AKNA: variants seen among roughly 807,000 people sequenced by gnomAD.
AKNA encodes the protein microtubule organization protein AKNA.
A neutral mutation model predicts 138.8 loss-of-function variants in AKNA; 67 were observed. The ratio of observed to expected loss-of-function variants is 0.48; its 90% confidence interval spans 0.40 to 0.59. The LOEUF is 0.59. Among genes scored for constraint, AKNA ranks in the 20% least tolerant of loss-of-function variants. AKNA has a pLI of 0.00. For missense variants in AKNA, 1,813 were observed against 1,880.4 expected (o/e 0.96, Z 0.66); for synonymous variants, 737 against 754.4 (o/e 0.98, Z 0.38).
intron 14 of AKNA, among the ~76,000 whole-genome samples, chr9:114,352,340 A>G (rs1011748366): frequency 1.3e-5 from 2 of 152,268 alleles, no homozygotes; most frequent in Non-Finnish European, 2.9e-5. Flanking sequence ...GCTCACACCT[A>G]TAATCCCAGC....
In AKNA at chr9:114,345,968, T is replaced by C; in HGVS notation, c.3556A>G (p.Lys1186Glu). Residue 1186 changes from lysine (K) to glutamate (E), a missense_variant, in exon 18 of 22, where the codon AAG becomes GAG. Coordinates refer to ENST00000374088, the MANE Select transcript of AKNA (RefSeq NM_001317950.2). ...GGACTGTCCTTGGTGGTCTTGCTCT[T>C]CTCAGAGAACAGTGGTAGGGAGGGC... Reference protein sequence around the residue: ...ELPSLPLFSEKSKTTKDSPQA... With the variant: ...ELPSLPLFSEESKTTKDSPQA... 2 of 1,614,010 alleles carry C rather than the reference T, an allele frequency of 1.2e-6. No individual in the cohort carries two copies. Among genetic ancestry groups the C allele is most frequent in the South Asian group, 2.2e-5 (2 of 91,078 alleles).
chr9:114,382,842 T>C (rs1245150980), intron 1 of AKNA, among the ~76,000 whole-genome samples: 3 of 152,114 alleles, frequency 2.0e-5, no homozygotes. Flanking sequence ...GAGCGGGCAC[T>C]AAATGCTTGC....
At chr9:114,368,100 TATTGTGGGG>T (rs1402283455) in intron 5 of AKNA, 8 of 283,744 alleles carry the variant, frequency 2.8e-5, no homozygotes, top group Non-Finnish European at 5.3e-5. Flanking sequence ...CTCAGCGGGT[TATTGTGGGG>T]ATTAAGTGAG....
chr9:114,362,586 G>A, intron 7 of AKNA, 53 bp from the exon 8 acceptor site: 1 of 1,579,546 alleles, frequency 6.3e-7, no homozygotes, highest in Non-Finnish European at 8.6e-7. Context: ...CGCGGGGCCT[G>A]TCCCTGAAGA....
chr9:114,339,270 G>A (rs1015911461), intron 21 of AKNA, among the ~76,000 whole-genome samples: 1 of 152,062 alleles, frequency 6.6e-6, no homozygotes, highest in Non-Finnish European at 1.5e-5. Context: ...GCTATGGGAC[G>A]GCTGCCCAGC....
intron 19 of AKNA, 97 bp downstream of exon 19, chr9:114,343,611 T>C (rs539635881): frequency 7.6e-7 from 1 of 1,309,540 alleles, no homozygotes; most frequent in African/African-American, 1.5e-5. Context: ...ACTGCTAAGT[T>C]CAGGGCAGGC....
chr9:114,373,418 G>C (rs1832941981), intron 4 of AKNA, among the ~76,000 whole-genome samples: 1 of 152,082 alleles, frequency 6.6e-6, no homozygotes, highest in African/African-American at 2.4e-5. Flanking sequence ...GAAGATTCAG[G>C]CCCAAAAAAC....
intron 2 of AKNA, among the ~76,000 whole-genome samples, chr9:114,378,457 C>T (rs139727633): frequency 1.3e-5 from 2 of 152,254 alleles, no homozygotes; most frequent in Non-Finnish European, 2.9e-5. Flanking sequence ...CACTACACTG[C>T]AAGTTCTATG....
chr9:114,374,569 A>T (rs893144128), intron 3 of AKNA, among the ~76,000 whole-genome samples: 1 of 152,238 alleles, frequency 6.6e-6, no homozygotes, highest in East Asian at 1.9e-4. Flanking sequence ...TTTAAGAAGC[A>T]TGTGCTTAAG....
upstream of AKNA, among the ~76,000 whole-genome samples, chr9:114,397,942 G>A (rs1834583817): frequency 6.6e-6 from 1 of 152,188 alleles, no homozygotes; most frequent in Non-Finnish European, 1.5e-5. Context: ...TGCGCGGATT[G>A]TTGCTGGGTG....
At chr9:114,397,546 A>C (rs1211029107), upstream of AKNA, among the ~76,000 whole-genome samples, 2 of 152,160 alleles carry the variant, frequency 1.3e-5, no homozygotes, top group Non-Finnish European at 2.9e-5. Context: ...GCAGGTCTTT[A>C]AACATAGGTA....
At chr9:114,371,865 C>T (rs1018599364) in intron 4 of AKNA, among the ~76,000 whole-genome samples, 7 of 152,082 alleles carry the variant, frequency 4.6e-5, no homozygotes, top group Admixed American at 3.9e-4. Flanking sequence ...TGCCTCTGAA[C>T]TCGTGGGTTC....
upstream of AKNA, among the ~76,000 whole-genome samples, chr9:114,392,767 C>T (rs543319415): frequency 2.0e-5 from 3 of 152,280 alleles, no homozygotes; most frequent in East Asian, 5.8e-4. Context: ...AGCAGTTTTC[C>T]CAAGTGGAGG....
At chr9:114,342,167 A>G (rs780187601) in intron 19 of AKNA, 42 bp from the exon 20 acceptor site, 1 of 1,424,244 alleles carries the variant, frequency 7.0e-7, no homozygotes, top group Non-Finnish European at 9.5e-7. Flanking sequence ...ATTACATCTA[A>G]ATCATCAGAT....
intron 19 of AKNA, among the ~76,000 whole-genome samples, chr9:114,342,751 G>A (rs1830441597): frequency 1.1e-5 from 1 of 93,264 alleles, no homozygotes; most frequent in Non-Finnish European, 2.2e-5. Context: ...CACCCCGGCA[G>A]AGTCAGGCAC....
upstream of AKNA, among the ~76,000 whole-genome samples, chr9:114,394,959 G>C (rs955670117): frequency 7.2e-5 from 11 of 152,228 alleles, no homozygotes; most frequent in Non-Finnish European, 1.6e-4. Context: ...GCAGTGGGGG[G>C]GCTGGGGGGA....
At chr9:114,392,104 C>CAAAAAAAAA (rs61619495), upstream of AKNA, among the ~76,000 whole-genome samples, 12 of 86,584 alleles carry the variant, frequency 1.4e-4, no homozygotes, top group African/African-American at 4.8e-4. Flanking sequence ...AGACGCTTGT[C>CAAAAAAAAA]AAAAAAAAAA....
At position 114,356,062 on chromosome 9, in the gene AKNA, C is replaced by T. The variant is rs1286419438; in HGVS notation, c.2921G>A (p.Gly974Asp). Reference sequence around the variant, plus strand: ...TGTGGCTCTTCTGGGAATCAGAGAACCCCTGGCCTTGGGGTAGGAAGCTCC... The same window carrying T: ...TGTGGCTCTTCTGGGAATCAGAGAATCCCTGGCCTTGGGGTAGGAAGCTCC... ...RDGASYPKAR[G>D]SLIPRRATEP... Residue 974 changes from glycine to aspartate, a missense_variant, in exon 14 of 22, where the codon GGT becomes GAT. Physicochemically the swap from Gly to Asp is moderately conservative, Grantham distance 94. Coordinates refer to ENST00000374088, the MANE Select transcript of AKNA (RefSeq NM_001317950.2). 6.2e-7 allele frequency: 1 copy of T among 1,614,120 alleles called. No individual in the cohort carries two copies. The highest frequency in any genetic ancestry group is 2.2e-5 in the East Asian group (1 of 44,878).
chr9:114,362,571 G>T, intron 7 of AKNA, 38 bp from the exon 8 acceptor site: 1 of 1,602,288 alleles, frequency 6.2e-7, no homozygotes, highest in Non-Finnish European at 8.5e-7. Flanking sequence ...TGAGTGCTCA[G>T]TCCCCGCGGG....
Sources: allele counts gnomAD v4.1 joint callset (sites outside exome capture counted in the v4.1 genomes callset), GRCh38; gene constraint gnomAD v4.1.1; transcripts MANE v1.5; gene names NCBI Gene and HGNC (gene_info 2026-07-23, HGNC 2026-07-21).